ZBBX: variants seen among roughly 807,000 people sequenced by gnomAD.
The protein encoded by ZBBX is zinc finger B-box domain-containing protein 1.
In ZBBX, 101 loss-of-function variants were observed where a neutral mutation model predicts 108.5. The ratio of observed to expected loss-of-function variants is 0.93; its 90% CI spans 0.79 to 1.10. The LOEUF is 1.10. Ranked by LOEUF, ZBBX falls within the 50% of genes least tolerant of loss-of-function variation. The pLI is 0.00. For missense variants in ZBBX, 1,009 were observed against 941.4 expected, an observed-to-expected ratio of 1.07 and a Z score of -0.94; for synonymous variants, 356 against 323.4, an observed-to-expected ratio of 1.10 and a Z score of -1.08.
In ZBBX at chr3:167,357,815, G is replaced by A. The variant is rs543168305; in HGVS notation, c.432+2055C>T. ...TGATAGACTGGATTAAGAAAATGTGGCACATATACACCATGGAATACTATG... is the reference window on the plus strand; with the variant it reads ...TGATAGACTGGATTAAGAAAATGTGACACATATACACCATGGAATACTATG... On this transcript the variant is annotated intron_variant, in intron 8 of 21. Coordinates refer to ENST00000675490, the MANE Select transcript of ZBBX (RefSeq NM_001199201.2). 2.1e-3 allele frequency among the ~76,000 whole-genome samples: 322 copies of A among 152,040 alleles called. 3 individuals carry two copies. The highest frequency in any genetic ancestry group is 6.8e-3 in the Middle Eastern group (2 of 292).
intron 6 of ZBBX, among the ~76,000 whole-genome samples, chr3:167,361,409 A>G (rs1744481741): frequency 6.6e-6 from 1 of 152,196 alleles, no homozygotes. Flanking sequence ...TTTAAAGTAC[A>G]CAAACGAGAA....
intron 1 of ZBBX, among the ~76,000 whole-genome samples, chr3:167,405,375 T>C (rs1036336760): frequency 4.0e-5 from 6 of 151,708 alleles, no homozygotes; most frequent in African/African-American, 1.5e-4. Context: ...AAGAAAAGGA[T>C]GAGATAACGA....
chr3:167,350,713 CTT>C (rs1204364744), intron 8 of ZBBX, among the ~76,000 whole-genome samples, 198 bp from the exon 9 acceptor site: 6 of 151,660 alleles, frequency 4.0e-5, no homozygotes, highest in Admixed American at 3.3e-4. Flanking sequence ...AGACTTAACT[CTT>C]TGAAGAAAAC....
intron 16 of ZBBX, among the ~76,000 whole-genome samples, chr3:167,308,124 G>T (rs1218354747): frequency 1.3e-5 from 2 of 151,902 alleles, no homozygotes; most frequent in Non-Finnish European, 2.9e-5. Context: ...CAAGAAAAAA[G>T]CAATCTCAAT....
chr3:167,393,673 TGAA>T (rs1446435812), intron 1 of ZBBX, among the ~76,000 whole-genome samples: 2 of 151,942 alleles, frequency 1.3e-5, no homozygotes, highest in Admixed American at 1.3e-4. Flanking sequence ...TGCGTTTCAC[TGAA>T]GAAGAAACTA....
At chr3:167,323,257 C>T (rs1338464808) in intron 11 of ZBBX, among the ~76,000 whole-genome samples, 1 of 139,092 alleles carries the variant, frequency 7.2e-6, no homozygotes, top group Non-Finnish European at 1.6e-5. Context: ...GGGGAAAGAA[C>T]TCTTTTGTTT....
At chr3:167,218,350 G>T in the ZBBX span, among the ~76,000 whole-genome samples, 1 of 152,042 alleles carries the variant, frequency 6.6e-6, no homozygotes, top group African/African-American at 2.4e-5. Context: ...TAATTGGGTT[G>T]TATAAATTAA....
intron 19 of ZBBX, among the ~76,000 whole-genome samples, chr3:167,287,766 C>T (rs927970689): frequency 1.3e-5 from 2 of 151,936 alleles, no homozygotes; most frequent in Non-Finnish European, 2.9e-5. Context: ...AAGTTGCTGT[C>T]GACTTTGATG....
At chr3:167,218,008 G>T in the ZBBX span, among the ~76,000 whole-genome samples, 1 of 151,646 alleles carries the variant, frequency 6.6e-6, no homozygotes, top group Non-Finnish European at 1.5e-5. Context: ...CTCCCAAAGT[G>T]CTGGGATTAC....
chr3:167,282,145 T>C, intron 20 of ZBBX, 93 bp downstream of exon 20: 1 of 1,325,734 alleles, frequency 7.5e-7, no homozygotes. Context: ...CTTTCTTGTT[T>C]GCTGGCTTGT....
At chr3:167,384,632 G>A (rs1747849979), upstream of ZBBX, among the ~76,000 whole-genome samples, 1 of 152,052 alleles carries the variant, frequency 6.6e-6, no homozygotes, top group African/African-American at 2.4e-5. Context: ...AGTTTAAATT[G>A]TCCAAGGATT....
chr3:167,277,990 T>A (rs1727995809), intron 20 of ZBBX, among the ~76,000 whole-genome samples: 1 of 148,228 alleles, frequency 6.7e-6, no homozygotes, highest in Non-Finnish European at 1.5e-5. Context: ...AACCTGCTCC[T>A]GAATGACTAC....
chr3:167,288,766 T>C lies in ZBBX; in HGVS notation c.1996+101A>G, dbSNP rs115951568. ...ATGAATGAATTTAAATTACAGAACTTCAAAAACTAAATTGCAGGTGCCTAC... is the reference window on the plus strand; with the variant it reads ...ATGAATGAATTTAAATTACAGAACTCCAAAAACTAAATTGCAGGTGCCTAC... On this transcript the variant is annotated intron_variant, in intron 19 of 21. Transcript: ENST00000675490. 2.8e-3 allele frequency: 1,603 copies of C among 570,576 alleles called. 26 individuals are homozygous for C. In the African/African-American group the frequency reaches 0.028, roughly 10 times the overall value. 35.3% of individuals were successfully genotyped at this position (570,576 alleles called of 1,614,324 possible).
the ZBBX span, among the ~76,000 whole-genome samples, chr3:167,192,543 C>T: frequency 0.58 from 88,766 of 151,978 alleles, 26,129 homozygotes; most frequent in East Asian, 0.82. Context: ...TTGTTGCTTT[C>T]AGGATGTTCT....
intron 11 of ZBBX, among the ~76,000 whole-genome samples, chr3:167,325,230 A>G (rs1737144613): frequency 6.6e-6 from 1 of 152,162 alleles, no homozygotes; most frequent in Admixed American, 6.6e-5. Context: ...TAATGAAGAC[A>G]TACCCGAGAC....
At chr3:167,196,572 CCT>C in the ZBBX span, among the ~76,000 whole-genome samples, 1 of 152,078 alleles carries the variant, frequency 6.6e-6, no homozygotes, top group African/African-American at 2.4e-5. Flanking sequence ...CTTAAGTGGA[CCT>C]TTTTCTGTAG....
rs377657736 is a variant in ZBBX, at chr3:167,322,176, A to C, written c.924T>G (p.Ile308Met). The C allele has an allele frequency of 2.4e-5, 35 of 1,468,418 alleles. No homozygotes were observed. The African/African-American group carries it at 4.3e-4, about 18-fold the overall frequency. 91.0% of individuals were successfully genotyped at this position (1,468,418 alleles called of 1,614,324 possible). The stretch of plus-strand genomic sequence containing the variant: ...AGGATAGAATGTCTTCTTTAAGTTC[A>C]ATATTAAGTGGTTCTCTCCAAATTT... ...NLKIWREPLNIELKEDILSYM... is the reference protein window; with the variant it reads ...NLKIWREPLNMELKEDILSYM... Residue 308 changes from isoleucine to methionine, a missense_variant, in exon 12 of 22, where the codon ATT (isoleucine) becomes ATG (methionine). Transcript: ENST00000675490.
At chr3:167,295,751 A>ATATG in intron 18 of ZBBX, among the ~76,000 whole-genome samples, 1 of 9,560 alleles carries the variant, frequency 1.0e-4, no homozygotes, top group African/African-American at 7.9e-4. Context: ...ATATATATAT[A>ATATG]TATATATAAA....
At chr3:167,287,034 A>G (rs962066392) in intron 19 of ZBBX, among the ~76,000 whole-genome samples, 16 of 152,068 alleles carry the variant, frequency 1.1e-4, no homozygotes, top group African/African-American at 3.6e-4. Flanking sequence ...TAAAGACTCA[A>G]CTGAATGTTA....
Sources: gnomAD v4.1 joint callset for allele counts (sites outside exome capture counted in the v4.1 genomes callset) on GRCh38, gnomAD v4.1.1 for gene constraint, MANE v1.5 for transcripts, NCBI Gene and HGNC (gene_info 2026-07-23, HGNC 2026-07-21) for gene names.